The following SLC44A5 variants were observed in gnomAD, a reference collection of about 807,000 sequenced individuals.
SLC44A5 encodes solute carrier family 44 member 5, also known as choline transporter-like protein 5.
SLC44A5 carries 57 observed loss-of-function variants against 101.8 expected under a neutral mutation model. The observed-to-expected ratio is 0.56, with a 90% CI of 0.45 to 0.70. The LOEUF is 0.70. SLC44A5 is among the 30% of genes least tolerant of loss of function. The pLI, the probability that SLC44A5 is intolerant of heterozygous loss-of-function variation, is 0.00. For synonymous variants in SLC44A5, 281 were observed against 290.9 expected (o/e 0.97, Z 0.35); for missense variants, 737 against 853.1 (o/e 0.86, Z 1.70).
At chr1:75,392,929 C>T (rs557073822) in intron 3 of SLC44A5, among the ~76,000 whole-genome samples, 2 of 152,108 alleles carry the variant, frequency 1.3e-5, no homozygotes, top group African/African-American at 2.4e-5. Context: ...CATATTTTCC[C>T]GTATAAGTGG....
At chr1:75,668,628 G>A in the SLC44A5 span, among the ~76,000 whole-genome samples, 1 of 151,206 alleles carries the variant, frequency 6.6e-6, no homozygotes, top group African/African-American at 2.5e-5. Context: ...GGCCCTGGGA[G>A]CTTTTCAATA....
At chr1:75,227,893 A>G (rs866840818) in intron 12 of SLC44A5, 36 bp from the exon 13 acceptor site, 3 of 1,539,670 alleles carry the variant, frequency 1.9e-6, no homozygotes, top group South Asian at 2.5e-5. Flanking sequence ...AATATAAAAT[A>G]TGATTTTCTG....
intron 1 of SLC44A5, among the ~76,000 whole-genome samples, chr1:75,597,058 C>T (rs1480956208): frequency 6.6e-6 from 1 of 151,896 alleles, no homozygotes; most frequent in Non-Finnish European, 1.5e-5. Context: ...CATGGTGGCG[C>T]TTGCCTGTAG....
intron 6 of SLC44A5, among the ~76,000 whole-genome samples, chr1:75,252,470 G>A (rs1314252725): frequency 1.3e-5 from 2 of 152,106 alleles, no homozygotes; most frequent in Non-Finnish European, 2.9e-5. Context: ...TTGTGGGGAG[G>A]GAGGTGGATC....
rs1472111391 is a variant in SLC44A5 at position 75,242,044 on chromosome 1, T to A, written c.489A>T (p.Leu163Phe). ...TCGCTGTTGGACAATCATCATCCAGTAAAAGCTGTGTGAGAGACTAAAATA... is the reference window on the plus strand; with the variant it reads ...TCGCTGTTGGACAATCATCATCCAGAAAAAGCTGTGTGAGAGACTAAAATA... ...AKPVKSLTQL[L>F]LDDDCPTAIF... Residue 163 changes from leucine (L) to phenylalanine (F), a missense_variant, in exon 9 of 24, where the codon TTA becomes TTT. Leu to Phe is a conservative substitution (Grantham distance 22). This residue lies in a region of SLC44A5 where 665 missense variants were observed against 764.4 expected (regional missense o/e 0.87). Coordinates refer to ENST00000370859, the MANE Select transcript of SLC44A5 (RefSeq NM_001130058.2). 1 of 1,612,264 alleles carries A rather than the reference T, an allele frequency of 6.2e-7. No homozygotes were observed. The highest frequency in any genetic ancestry group is 8.5e-7 in the Non-Finnish European group (1 of 1,178,816).
At chr1:75,293,481 C>G (rs1372496138) in intron 5 of SLC44A5, among the ~76,000 whole-genome samples, 1 of 152,140 alleles carries the variant, frequency 6.6e-6, no homozygotes, top group Admixed American at 6.6e-5. Context: ...TACTTTGTAT[C>G]CCTTAAAGGT....
At chr1:75,430,131 G>T (rs1664531086) in intron 2 of SLC44A5, among the ~76,000 whole-genome samples, 1 of 152,134 alleles carries the variant, frequency 6.6e-6, no homozygotes, top group Non-Finnish European at 1.5e-5. Context: ...GTTGGGAGAT[G>T]GGACCTTCTG....
intron 3 of SLC44A5, among the ~76,000 whole-genome samples, chr1:75,385,902 A>C (rs1661303044): frequency 6.6e-6 from 1 of 152,166 alleles, no homozygotes; most frequent in African/African-American, 2.4e-5. Flanking sequence ...GGCTGGTTCA[A>C]TATACGCAAA....
At chr1:75,604,703 G>C (rs1675215217) in intron 1 of SLC44A5, among the ~76,000 whole-genome samples, 1 of 151,902 alleles carries the variant, frequency 6.6e-6, no homozygotes, top group Non-Finnish European at 1.5e-5. Flanking sequence ...GCAGCGTTTT[G>C]TAGTTTTCTT....
chr1:75,292,751 A>G (rs542912514), intron 5 of SLC44A5, among the ~76,000 whole-genome samples: 3 of 152,282 alleles, frequency 2.0e-5, no homozygotes, highest in Admixed American at 2.0e-4. Context: ...TCAGTGTGGA[A>G]TTAGAGGAGG....
At chr1:75,431,509 A>C (rs775909230) in intron 2 of SLC44A5, among the ~76,000 whole-genome samples, 5 of 152,198 alleles carry the variant, frequency 3.3e-5, no homozygotes, top group Non-Finnish European at 7.3e-5. Context: ...ATTGTTTTAG[A>C]ATGTCAAGGT....
chr1:75,608,298 C>T (rs1328537548), intron 1 of SLC44A5, among the ~76,000 whole-genome samples: 1 of 151,578 alleles, frequency 6.6e-6, no homozygotes, highest in Non-Finnish European at 1.5e-5. Context: ...CGTGTCTATC[C>T]ACAGATGAAT....
chr1:75,324,109 G>C (rs1279413125), intron 4 of SLC44A5, among the ~76,000 whole-genome samples: 5 of 152,140 alleles, frequency 3.3e-5, no homozygotes, highest in Admixed American at 1.3e-4. Flanking sequence ...AACGTCTTTT[G>C]ACTAGAAAAA....
intron 4 of SLC44A5, among the ~76,000 whole-genome samples, chr1:75,314,650 G>T (rs1180085465): frequency 6.6e-6 from 1 of 152,120 alleles, no homozygotes; most frequent in Non-Finnish European, 1.5e-5. Context: ...CAAGTATTTA[G>T]AATGGTAACT....
intron 2 of SLC44A5, among the ~76,000 whole-genome samples, chr1:75,463,161 C>T (rs745826433): frequency 6.6e-6 from 1 of 152,200 alleles, no homozygotes; most frequent in Non-Finnish European, 1.5e-5. Flanking sequence ...GTGGCTCACG[C>T]CTGTAATCCC....
chr1:75,709,442 G>T, the SLC44A5 span, among the ~76,000 whole-genome samples: 1 of 152,270 alleles, frequency 6.6e-6, no homozygotes, highest in African/African-American at 2.4e-5. Flanking sequence ...ACCGATCCTG[G>T]TTCAAAATAC....
intron 14 of SLC44A5, among the ~76,000 whole-genome samples, chr1:75,221,381 G>C (rs972247712): frequency 6.6e-6 from 1 of 152,100 alleles, no homozygotes; most frequent in African/African-American, 2.4e-5. Flanking sequence ...TATTATTCTT[G>C]AATGACCTTT....
At chr1:75,704,787 C>G in the SLC44A5 span, among the ~76,000 whole-genome samples, 1 of 152,000 alleles carries the variant, frequency 6.6e-6, no homozygotes, top group Admixed American at 6.6e-5. Flanking sequence ...TTTCTTTTTT[C>G]TAATTCCCAA....
At chr1:75,340,976 T>C (rs1386899792) in intron 3 of SLC44A5, among the ~76,000 whole-genome samples, 1 of 152,256 alleles carries the variant, frequency 6.6e-6, no homozygotes, top group Non-Finnish European at 1.5e-5. Context: ...AGATACCTTA[T>C]AGTCTTAAAC....
Sources: gnomAD v4.1 joint callset for allele counts (sites outside exome capture counted in the v4.1 genomes callset) on GRCh38, gnomAD v4.1.1 for gene constraint, gnomAD v4.1.1 regional missense constraint, MANE v1.5 for transcripts, NCBI Gene and HGNC (gene_info 2026-07-23, HGNC 2026-07-21) for gene names.